ABCB1: variants seen among roughly 807,000 people sequenced by gnomAD.
The protein encoded by ABCB1 is ATP binding cassette subfamily B member 1.
Under a neutral mutation model 142.0 loss-of-function variants are expected in ABCB1, and 69 were observed. The ratio of observed to expected loss-of-function variants is 0.49; its 90% confidence interval spans 0.40 to 0.59. The LOEUF is 0.59. ABCB1 is among the 20% of genes least tolerant of loss of function. The probability of loss-of-function intolerance (pLI) is 0.00; values close to 1 mark genes in which losing one functional copy is unlikely to be tolerated. For synonymous variants in ABCB1, 532 were observed against 539.2 expected, an observed-to-expected ratio of 0.99 and a Z score of 0.18; for missense variants, 1,326 against 1,554.7, an observed-to-expected ratio of 0.85 and a Z score of 2.47.
In ABCB1 at chr7:87,566,790, A is replaced by C; in HGVS notation, c.525T>G (p.Leu175=). Residue 175 remains leucine (L), a synonymous_variant, in exon 6 of 28, where the codon CTT becomes CTG. Transcript: ENST00000622132. ...ACATAAAACTAAATACTTACTCTGT[A>C]AGTCGGGTGTTAAGCTCCCCAACAT... The part of the protein sequence containing the change: ...VHDVGELNTR[L]TDDVSKINEG... The C allele has an allele frequency of 3.7e-6, 6 of 1,614,128 alleles. No homozygotes were observed. Among genetic ancestry groups the C allele is most frequent in the Non-Finnish European group, 5.1e-6 (6 of 1,179,984 alleles).
At chr7:87,623,922 A>T (rs938799920) in intron 1 of ABCB1, among the ~76,000 whole-genome samples, 2 of 151,964 alleles carry the variant, frequency 1.3e-5, no homozygotes, top group Admixed American at 1.3e-4. Flanking sequence ...CTCCCCTTTC[A>T]TAACTTTTTA....
At chr7:87,691,257 A>G (rs1340697341) in intron 1 of ABCB1, among the ~76,000 whole-genome samples, 3 of 152,158 alleles carry the variant, frequency 2.0e-5, no homozygotes, top group Non-Finnish European at 4.4e-5. Flanking sequence ...AAAAGTACAT[A>G]CTTCTTGGGT....
chr7:87,516,672 A>T lies in ABCB1; in HGVS notation c.2928-7T>A, dbSNP rs747827053. ...GACAACAGCTGAAAATACTCTGGAA[A>T]GCACAAACACAAAACATGTGCACAG... is the stretch of plus-strand genomic sequence containing the variant. On this transcript the variant is annotated splice_region_variant and splice_polypyrimidine_tract_variant and intron_variant, in intron 23 of 27. Transcript: ENST00000622132. 1.4e-5 allele frequency: 22 copies of T among 1,613,006 alleles called. No homozygotes were observed. The South Asian group carries it at 2.3e-4, about 17-fold the overall frequency.
intron 8 of ABCB1, among the ~76,000 whole-genome samples, chr7:87,558,216 T>G (rs1311439373): frequency 1.3e-5 from 2 of 152,220 alleles, no homozygotes; most frequent in African/African-American, 4.8e-5. Flanking sequence ...AAATCCTGCC[T>G]GATAGAATTG....
chr7:87,686,922 G>A (rs1827521596), intron 1 of ABCB1, among the ~76,000 whole-genome samples: 1 of 148,004 alleles, frequency 6.8e-6, no homozygotes, highest in African/African-American at 2.5e-5. Context: ...CTCCAGCCTG[G>A]ACAACAGAGG....
At chr7:87,517,131 G>A (rs1039362140) in intron 23 of ABCB1, among the ~76,000 whole-genome samples, 2 of 152,126 alleles carry the variant, frequency 1.3e-5, no homozygotes, top group Non-Finnish European at 2.9e-5. Flanking sequence ...ATAAGTTCAT[G>A]TCTATGTGAT....
Position 87,680,514 on chromosome 7 carries a change from C to T in ABCB1, c.-331+32647G>A, listed in dbSNP as rs547240049. Among the ~76,000 whole-genome samples, 33 of 150,830 alleles carry T rather than the reference C, an allele frequency of 2.2e-4. 1 individual carries two copies. Among genetic ancestry groups the T allele is most frequent in the Non-Finnish European group, 3.7e-4 (25 of 67,888 alleles). On this transcript the variant is annotated intron_variant, in intron 1 of 28. Transcript: ENST00000265724. Reference sequence around the variant, plus strand: ...CACCTTAAGAAACTAAAAAAGGGGCCGGGCCCGGTGGCTCACGCCTGTAAT... The same window carrying T: ...CACCTTAAGAAACTAAAAAAGGGGCTGGGCCCGGTGGCTCACGCCTGTAAT...
At chr7:87,648,753 T>C (rs1287291914) in intron 1 of ABCB1, among the ~76,000 whole-genome samples, 2 of 152,180 alleles carry the variant, frequency 1.3e-5, no homozygotes, top group African/African-American at 4.8e-5. Context: ...GACAAAAATT[T>C]ATAAAGGTCA....
intron 1 of ABCB1, among the ~76,000 whole-genome samples, chr7:87,656,214 A>AAACATGT (rs2130415207): frequency 1.3e-5 from 2 of 152,284 alleles, no homozygotes; most frequent in South Asian, 4.1e-4. Context: ...ACAAATTTCA[A>AAACATGT]AACATGTATA....
rs1298317769 is a variant in ABCB1 at position 87,503,026 on chromosome 7, A to T, written c.*1217T>A. On this transcript the variant is annotated 3_prime_UTR_variant, in exon 28 of 28. Coordinates refer to ENST00000622132, the MANE Select transcript of ABCB1 (RefSeq NM_001348946.2). ...CAATTCAACTAATAAGGAATGTCACATTAGATTTTTTTATTCATCATTAAA... is the reference window on the plus strand; with the variant it reads ...CAATTCAACTAATAAGGAATGTCACTTTAGATTTTTTTATTCATCATTAAA... Among the ~76,000 whole-genome samples, 2 of 152,020 alleles carry T rather than the reference A, an allele frequency of 1.3e-5. No individual in the cohort carries two copies. Among genetic ancestry groups the T allele is most frequent in the African/African-American group, 4.8e-5 (2 of 41,446 alleles).
intron 8 of ABCB1, among the ~76,000 whole-genome samples, chr7:87,560,809 A>C (rs1817531858): frequency 6.6e-6 from 1 of 152,156 alleles, no homozygotes; most frequent in Non-Finnish European, 1.5e-5. Flanking sequence ...ATAATATAAA[A>C]GATTTTGAAC....
At chr7:87,523,581 C>T (rs1815635072) in intron 21 of ABCB1, among the ~76,000 whole-genome samples, 1 of 152,194 alleles carries the variant, frequency 6.6e-6, no homozygotes, top group African/African-American at 2.4e-5. Context: ...AAGATGGCGT[C>T]ACTGCACTCT....
chr7:87,592,928 CTTTTTT>C (rs35396007), intron 3 of ABCB1, among the ~76,000 whole-genome samples: 1 of 138,104 alleles, frequency 7.2e-6, no homozygotes, highest in African/African-American at 2.7e-5. Flanking sequence ...AATATATAAT[CTTTTTT>C]TTTTTTTTTT....
At chr7:87,691,504 G>A (rs1310422666) in intron 1 of ABCB1, among the ~76,000 whole-genome samples, 1 of 151,964 alleles carries the variant, frequency 6.6e-6, no homozygotes, top group Non-Finnish European at 1.5e-5. Flanking sequence ...GTTAAATACT[G>A]TTTCACTTTC....
intron 1 of ABCB1, chr7:87,628,648 C>G (rs546504511): frequency 3.2e-5 from 12 of 376,340 alleles, no homozygotes; most frequent in African/African-American, 2.6e-4. Flanking sequence ...CAAGGGCGAG[C>G]CGTCAGTCCC....
chr7:87,589,931 A>G (rs1314345527), intron 3 of ABCB1, among the ~76,000 whole-genome samples: 4 of 152,096 alleles, frequency 2.6e-5, no homozygotes, highest in Non-Finnish European at 5.9e-5. Flanking sequence ...CCAGAACCAC[A>G]TAAAAGGCAT....
At chr7:87,648,246 A>G (rs980189756) in intron 1 of ABCB1, among the ~76,000 whole-genome samples, 15 of 152,014 alleles carry the variant, frequency 9.9e-5, no homozygotes, top group Admixed American at 7.2e-4. Context: ...TGAGATTTGC[A>G]TGAATATAAA....
intron 27 of ABCB1, 80 bp from the exon 28 acceptor site, chr7:87,504,529 A>T (rs561730767): frequency 4.5e-6 from 7 of 1,564,794 alleles, no homozygotes; most frequent in Non-Finnish European, 6.1e-6. Context: ...CCACAGTAGG[A>T]CGGGCATGGT....
intron 1 of ABCB1, among the ~76,000 whole-genome samples, chr7:87,614,769 C>G (rs1819975921): frequency 6.6e-6 from 1 of 151,626 alleles, no homozygotes. Context: ...TGTTTAGGTA[C>G]TTATAATAAT....
Sources: gnomAD v4.1 joint callset for allele counts (sites outside exome capture counted in the v4.1 genomes callset) on GRCh38, gnomAD v4.1.1 for gene constraint, MANE v1.5 for transcripts, NCBI Gene and HGNC (gene_info 2026-07-23, HGNC 2026-07-21) for gene names.